The following SDK1 variants were observed in gnomAD, a reference collection of about 807,000 sequenced individuals.
The protein encoded by SDK1 is sidekick cell adhesion molecule 1.
In SDK1, 157 loss-of-function variants were observed where a neutral mutation model predicts 245.5. The observed-to-expected ratio is 0.64, with a 90% CI of 0.56 to 0.73. The LOEUF is 0.73. Ranked by LOEUF, SDK1 falls within the 30% of genes least tolerant of loss-of-function variation. The pLI, the probability that SDK1 is intolerant of heterozygous loss-of-function variation, is 0.00. For synonymous variants in SDK1, 1,647 were observed against 1,278.5 expected (o/e 1.29, Z -6.15); for missense variants, 3,583 against 3,002.3 (o/e 1.19, Z -4.52).
chr7:4,158,892 G>A (rs944205501), intron 31 of SDK1, among the ~76,000 whole-genome samples: 3 of 152,280 alleles, frequency 2.0e-5, no homozygotes, highest in Non-Finnish European at 2.9e-5. Flanking sequence ...TCTCATTCAC[G>A]AGCCACTCTT....
At chr7:3,342,705 A>T (rs540027974) in intron 1 of SDK1, among the ~76,000 whole-genome samples, 1 of 152,222 alleles carries the variant, frequency 6.6e-6, no homozygotes, top group Non-Finnish European at 1.5e-5. Flanking sequence ...GAACCAGTTA[A>T]AGACTTTTTC....
At chr7:3,548,132 A>G (rs1385895433) in intron 1 of SDK1, among the ~76,000 whole-genome samples, 1 of 152,202 alleles carries the variant, frequency 6.6e-6, no homozygotes, top group Non-Finnish European at 1.5e-5. Flanking sequence ...AATCAGTATG[A>G]ATAGTTGTTG....
chr7:3,473,920 G>A (rs368879427), intron 1 of SDK1, among the ~76,000 whole-genome samples: 4 of 152,022 alleles, frequency 2.6e-5, no homozygotes, highest in East Asian at 3.9e-4. Context: ...TGGAAGGAAT[G>A]TGGACTTTGG....
At chr7:4,112,897 G>C (rs1256551596) in intron 23 of SDK1, among the ~76,000 whole-genome samples, 1 of 152,084 alleles carries the variant, frequency 6.6e-6, no homozygotes, top group Non-Finnish European at 1.5e-5. Flanking sequence ...GGGATTCCAG[G>C]CACCCGCCAC....
At chr7:3,608,747 A>C (rs796983722) in intron 1 of SDK1, among the ~76,000 whole-genome samples, 2 of 152,352 alleles carry the variant, frequency 1.3e-5, no homozygotes, top group African/African-American at 2.4e-5. Flanking sequence ...AAAGATGTTA[A>C]TGTAACAAAG....
At chr7:3,410,816 A>G (rs1382532790) in intron 1 of SDK1, among the ~76,000 whole-genome samples, 2 of 151,752 alleles carry the variant, frequency 1.3e-5, no homozygotes, top group African/African-American at 4.8e-5. Context: ...CGAACTCCTG[A>G]CCTCAGGTGA....
At chr7:3,375,799 T>C (rs1429367644) in intron 1 of SDK1, among the ~76,000 whole-genome samples, 2 of 152,192 alleles carry the variant, frequency 1.3e-5, no homozygotes, top group Non-Finnish European at 2.9e-5. Context: ...GCATCTTGCC[T>C]GCAACCTCAT....
At chr7:3,643,291 A>AAAC (rs1235391894) in intron 4 of SDK1, 1 of 145,628 alleles carries the variant, frequency 6.9e-6, no homozygotes, top group Non-Finnish European at 1.5e-5. Flanking sequence ...TCCTTTCCCT[A>AAAC]AACCTCGTGA....
At chr7:3,386,613 C>G (rs1200653605) in intron 1 of SDK1, among the ~76,000 whole-genome samples, 2 of 152,188 alleles carry the variant, frequency 1.3e-5, no homozygotes, top group African/African-American at 4.8e-5. Flanking sequence ...CCTTCTGGAA[C>G]TATGCCCAGT....
chr7:3,324,318 A>G (rs1288922379), intron 1 of SDK1, among the ~76,000 whole-genome samples: 1 of 152,206 alleles, frequency 6.6e-6, no homozygotes. Flanking sequence ...AGAGACATGC[A>G]CATGTAATTA....
rs577968046 is a variant in SDK1 at position 3,456,689 on chromosome 7, T to C, written c.298+154805T>C. Among the ~76,000 whole-genome samples, 36 of 152,334 alleles carry C rather than the reference T, an allele frequency of 2.4e-4. No individual in the cohort carries two copies. The South Asian group carries it at 7.3e-3, about 31-fold the overall frequency. The stretch of plus-strand genomic sequence containing the variant: ...CCTTGTCAGATAATTCCAACATATG[T>C]CTCTTCTTGGTGCTGGCATCAGCTG... On this transcript the variant is annotated intron_variant, in intron 1 of 44. Transcript: ENST00000404826.
rs755648906 is a variant in SDK1 at position 3,962,736 on chromosome 7, C to T, written c.1314C>T (p.Leu438=). 14 of 1,613,568 alleles carry T rather than the reference C, an allele frequency of 8.7e-6. No homozygotes were observed. The highest frequency in any genetic ancestry group is 3.3e-5 in the Admixed American group (2 of 59,976). ...SRLQNPRYKV[L]ASGGLRIQKL... ...TCCAGAATCCTCGATACAAAGTGCTCGCCAGCGGAGGCCTGCGCATCCAGA... is the reference window on the plus strand; with the variant it reads ...TCCAGAATCCTCGATACAAAGTGCTTGCCAGCGGAGGCCTGCGCATCCAGA... The change falls in exon 9 of 45, where the codon CTC becomes CTT. Residue 438 remains leucine (L), a synonymous_variant. Coordinates refer to ENST00000404826, the MANE Select transcript of SDK1 (RefSeq NM_152744.4).
chr7:4,141,373 C>A (rs1244337062), intron 28 of SDK1, among the ~76,000 whole-genome samples: 4 of 152,216 alleles, frequency 2.6e-5, no homozygotes, highest in African/African-American at 9.7e-5. Flanking sequence ...TGAACAACAT[C>A]TTCATTTCAT....
At chr7:4,089,143 C>A (rs554300182) in intron 22 of SDK1, among the ~76,000 whole-genome samples, 5 of 151,394 alleles carry the variant, frequency 3.3e-5, no homozygotes, top group Admixed American at 2.6e-4. Context: ...GGAGGTGAGA[C>A]CCTCCTTCAG....
intron 4 of SDK1, among the ~76,000 whole-genome samples, chr7:3,685,434 C>T (rs1016463547): frequency 2.0e-5 from 3 of 152,112 alleles, no homozygotes; most frequent in African/African-American, 7.2e-5. Context: ...AAGATGTTAG[C>T]AAACCTGTCC....
At chr7:3,601,812 T>A (rs937152615) in intron 1 of SDK1, among the ~76,000 whole-genome samples, 10 of 147,864 alleles carry the variant, frequency 6.8e-5, no homozygotes, top group Non-Finnish European at 1.5e-4. Flanking sequence ...TATCTCCTAA[T>A]GCTATCCCTC....
chr7:3,422,127 C>T (rs1343528243), intron 1 of SDK1, among the ~76,000 whole-genome samples: 1 of 152,116 alleles, frequency 6.6e-6, no homozygotes, highest in Non-Finnish European at 1.5e-5. Context: ...TTCTGAATGT[C>T]ATAATACAGA....
At chr7:4,044,074 C>G (rs1788838922) in intron 17 of SDK1, among the ~76,000 whole-genome samples, 1 of 152,222 alleles carries the variant, frequency 6.6e-6, no homozygotes, top group Non-Finnish European at 1.5e-5. Flanking sequence ...AGATTAAAAG[C>G]AACACCTGTT....
At chr7:4,221,410 C>T (rs1785148720) in intron 40 of SDK1, 46 bp downstream of exon 40, 1 of 1,559,760 alleles carries the variant, frequency 6.4e-7, no homozygotes, top group Non-Finnish European at 8.7e-7. Flanking sequence ...CAGCGGACGG[C>T]AGTGCTTCTA....
Sources: allele counts gnomAD v4.1 joint callset (sites outside exome capture counted in the v4.1 genomes callset), GRCh38; gene constraint gnomAD v4.1.1; transcripts MANE v1.5; gene names NCBI Gene and HGNC (gene_info 2026-07-23, HGNC 2026-07-21).